Variants in RALGAPB observed in about 807,000 individuals in gnomAD.
RALGAPB encodes the protein ral GTPase-activating protein subunit beta.
In RALGAPB, 25 loss-of-function variants were observed where a neutral mutation model predicts 161.1. The ratio of observed to expected loss-of-function variants is 0.16; its 90% CI spans 0.11 to 0.22. The LOEUF (loss-of-function observed/expected upper bound fraction) is 0.22, where lower values mean the gene tolerates loss of function less well. Ranked by LOEUF, RALGAPB falls within the 10% of genes least tolerant of loss-of-function variation. The probability of loss-of-function intolerance (pLI) is 1.00; values close to 1 mark genes in which losing one functional copy is unlikely to be tolerated. For synonymous variants in RALGAPB, 629 were observed against 626.1 expected (o/e 1.00, Z -0.07); for missense variants, 1,391 against 1,815.2 (o/e 0.77, Z 4.25).
chr20:38,486,267 C>T (rs1489210936), intron 1 of RALGAPB, among the ~76,000 whole-genome samples: 1 of 152,260 alleles, frequency 6.6e-6, no homozygotes, highest in African/African-American at 2.4e-5. Context: ...GTCACCACGC[C>T]TGGCCTATAT....
At chr20:38,497,262 C>G in intron 3 of RALGAPB, 91 bp from the exon 4 acceptor site, 2 of 1,197,200 alleles carry the variant, frequency 1.7e-6, no homozygotes. Context: ...CTTCATTGGA[C>G]CACTGCTTGC....
rs570095035 is a variant in RALGAPB at position 38,532,812 on chromosome 20, C to T, written c.2198C>T (p.Thr733Met). 4.1e-5 allele frequency: 66 copies of T among 1,613,912 alleles called. 1 individual carries two copies. In the East Asian group the frequency reaches 1.4e-3, roughly 33 times the overall value. Residue 733 changes from threonine (T) to methionine (M), a missense_variant, in exon 15 of 30, where the codon ACG (threonine) becomes ATG (methionine). Coordinates refer to ENST00000262879, the MANE Select transcript of RALGAPB (RefSeq NM_020336.4). ...GCAAGTGGTGGAAGCACGGAGCCCA[C>T]GACTCCCGATAGTGAGAGACCTGCT... ...SSASGGSTEPTTPDSERPAQA... is the reference protein window; with the variant it reads ...SSASGGSTEPMTPDSERPAQA...
chr20:38,495,210 A>T (rs2085390540), intron 3 of RALGAPB, among the ~76,000 whole-genome samples: 1 of 152,212 alleles, frequency 6.6e-6, no homozygotes, highest in Admixed American at 6.5e-5. Flanking sequence ...ATAAAAACTG[A>T]CATTCAAAAT....
intron 1 of RALGAPB, among the ~76,000 whole-genome samples, chr20:38,475,844 T>C (rs1057018665): frequency 6.6e-6 from 1 of 152,190 alleles, no homozygotes; most frequent in Non-Finnish European, 1.5e-5. Flanking sequence ...GTCGAACTGC[T>C]GACCTTAAGT....
rs893380500 is a variant in RALGAPB, at chr20:38,472,882, G to T, written c.-218G>T. On this transcript the variant is annotated 5_prime_UTR_variant, in exon 1 of 30. Transcript: ENST00000262879. ...TGAGCAGATCCCAGCCGGCTGGCTCGAGTGGCCTTCGTCGTCCCTTGGCGC... is the reference window on the plus strand; with the variant it reads ...TGAGCAGATCCCAGCCGGCTGGCTCTAGTGGCCTTCGTCGTCCCTTGGCGC... The T allele has an allele frequency of 1.3e-5, 5 of 398,982 alleles. No homozygotes were observed. The highest frequency in any genetic ancestry group is 2.2e-5 in the Non-Finnish European group (5 of 226,006). 24.7% of individuals were successfully genotyped at this position (398,982 alleles called of 1,614,324 possible).
rs900023134 is a variant in RALGAPB, at chr20:38,488,485, A to G, written c.53A>G (p.His18Arg). Residue 18 changes from histidine to arginine, a missense_variant, in exon 2 of 30, where the codon CAT becomes CGT. Physicochemically the swap from His to Arg is conservative, Grantham distance 29. Coordinates refer to ENST00000262879, the MANE Select transcript of RALGAPB (RefSeq NM_020336.4). Reference sequence around the variant, plus strand: ...TTGGTGATTCAGAATGATCAAGGCCATACCAGTGTGCTGCACAGCTATCCA... The same window carrying G: ...TTGGTGATTCAGAATGATCAAGGCCGTACCAGTGTGCTGCACAGCTATCCA... The part of the protein sequence containing the change: ...LHLVIQNDQG[H>R]TSVLHSYPES... 5 of 1,614,112 alleles carry G rather than the reference A, an allele frequency of 3.1e-6. No homozygotes were observed. The highest frequency in any genetic ancestry group is 4.2e-6 in the Non-Finnish European group (5 of 1,180,046).
intron 1 of RALGAPB, among the ~76,000 whole-genome samples, chr20:38,486,093 C>T (rs781731778): frequency 1.3e-5 from 2 of 151,658 alleles, no homozygotes; most frequent in Non-Finnish European, 2.9e-5. Flanking sequence ...CCTCAGCCTC[C>T]CAGGTAGCTG....
Position 38,492,955 on chromosome 20 carries a change from G to T in RALGAPB, c.212G>T (p.Cys71Phe). The change falls in exon 3 of 30, where the codon TGC becomes TTC. Residue 71 changes from cysteine (C) to phenylalanine (F), a missense_variant. Cys to Phe is a radical substitution (Grantham distance 205, BLOSUM62 -2). This residue lies in a region of RALGAPB where 946 missense variants were observed against 1,257.2 expected (regional missense o/e 0.75). Coordinates refer to ENST00000262879, the MANE Select transcript of RALGAPB (RefSeq NM_020336.4). ...KEVKWTMEVI[C>F]YGLTLPLDGE... ...GTAAAATGGACCATGGAAGTAATTTGCTATGGACTGACCCTTCCATTGGAT... is the reference window on the plus strand; with the variant it reads ...GTAAAATGGACCATGGAAGTAATTTTCTATGGACTGACCCTTCCATTGGAT... 1.2e-6 allele frequency: 2 copies of T among 1,611,008 alleles called. No individual in the cohort carries two copies. The highest frequency in any genetic ancestry group is 1.1e-5 in the South Asian group (1 of 91,008).
Position 38,532,973 on chromosome 20 carries a change from T to A in RALGAPB, c.2245+114T>A, listed in dbSNP as rs1340117688. 2.5e-6 allele frequency: 3 copies of A among 1,185,854 alleles called. No homozygotes were observed. In the African/African-American group the frequency reaches 4.6e-5, roughly 18 times the overall value. The allele number at this position is 1,185,854 out of a possible 1,614,324, so 73.5% of individuals were successfully genotyped here. ...TTCATGTTTTTTATATACTTAAGTA[T>A]AATAGAGAGGATGTCAGTCTTAAGA... On this transcript the variant is annotated intron_variant, in intron 15 of 29. Coordinates refer to ENST00000262879, the MANE Select transcript of RALGAPB (RefSeq NM_020336.4).
At chr20:38,530,444 C>T (rs1248409412) in intron 13 of RALGAPB, among the ~76,000 whole-genome samples, 2 of 151,720 alleles carry the variant, frequency 1.3e-5, no homozygotes, top group Non-Finnish European at 2.9e-5. Flanking sequence ...TTTTTAGAGA[C>T]AGGGTCTTGC....
At chr20:38,529,698 C>A (rs779371608) in intron 13 of RALGAPB, among the ~76,000 whole-genome samples, 1 of 151,108 alleles carries the variant, frequency 6.6e-6, no homozygotes, top group African/African-American at 2.4e-5. Context: ...AAAAAATTAG[C>A]CAGGCGTGGT....
rs534915859 is a variant in RALGAPB, at chr20:38,483,044, G to A, written c.-30-5359G>A. Among the ~76,000 whole-genome samples, 44 of 152,240 alleles carry A rather than the reference G, an allele frequency of 2.9e-4. 1 individual carries two copies. The highest frequency in any genetic ancestry group is 3.4e-3 in the Middle Eastern group (1 of 294). Reference sequence around the variant, plus strand: ...TGGGACTACAGGTGTGTGCCACCACGCCTGGCTAACTTTTTTGTGTTTTTT... The same window carrying A: ...TGGGACTACAGGTGTGTGCCACCACACCTGGCTAACTTTTTTGTGTTTTTT... On this transcript the variant is annotated intron_variant, in intron 1 of 29. Coordinates refer to ENST00000262879, the MANE Select transcript of RALGAPB (RefSeq NM_020336.4).
chr20:38,573,393 T>G (rs1416782929), intron 28 of RALGAPB, among the ~76,000 whole-genome samples: 1 of 152,058 alleles, frequency 6.6e-6, no homozygotes, highest in East Asian at 1.9e-4. Context: ...GAAAGAAAAT[T>G]CATTGGGTTG....
At chr20:38,535,895 T>G (rs2086791329) in intron 16 of RALGAPB, among the ~76,000 whole-genome samples, 1 of 152,186 alleles carries the variant, frequency 6.6e-6, no homozygotes, top group Non-Finnish European at 1.5e-5. Context: ...TTGGCTACAC[T>G]TTTTAGATTT....
At chr20:38,514,387 T>A (rs2086065316) in intron 6 of RALGAPB, among the ~76,000 whole-genome samples, 1 of 152,224 alleles carries the variant, frequency 6.6e-6, no homozygotes, top group African/African-American at 2.4e-5. Flanking sequence ...TCAGTGTTTG[T>A]CCTTTCAGTT....
In RALGAPB at chr20:38,499,584, C is replaced by T; in HGVS notation, c.691C>T (p.Pro231Ser). ...GATGGTGGCTAACTGGAGGCATCAC[C>T]CAGCAGTGGTGGAGCAGTGGAGCAA... ...KEMVANWRHH[P>S]AVVEQWSKVI... is the part of the protein sequence containing the mutation. The change falls in exon 5 of 30, where the codon CCA (proline) becomes TCA (serine). Residue 231 changes from proline (P) to serine (S), a missense_variant. Transcript: ENST00000262879. 3 of 1,613,848 alleles carry T rather than the reference C, an allele frequency of 1.9e-6. No individual in the cohort carries two copies. The highest frequency in any genetic ancestry group is 2.5e-6 in the Non-Finnish European group (3 of 1,179,908).
chr20:38,542,454 G>A (rs1444856897), intron 18 of RALGAPB, among the ~76,000 whole-genome samples: 3 of 151,960 alleles, frequency 2.0e-5, no homozygotes, highest in South Asian at 2.1e-4. Flanking sequence ...CTGGACTTTC[G>A]GTGACTTGAT....
chr20:38,483,509 G>GTTT (rs2122837685), intron 1 of RALGAPB, among the ~76,000 whole-genome samples: 1 of 152,232 alleles, frequency 6.6e-6, no homozygotes, highest in South Asian at 2.1e-4. Context: ...TTTAAAAATT[G>GTTT]AGCTGTTTTA....
chr20:38,529,006 C>G (rs1220211544), intron 13 of RALGAPB, among the ~76,000 whole-genome samples: 7 of 152,106 alleles, frequency 4.6e-5, no homozygotes, highest in Non-Finnish European at 7.4e-5. Context: ...TTTAAAGAGT[C>G]TCTTCTGACC....
Sources: gnomAD v4.1 joint callset for allele counts (sites outside exome capture counted in the v4.1 genomes callset) on GRCh38, gnomAD v4.1.1 for gene constraint, gnomAD v4.1.1 regional missense constraint, MANE v1.5 for transcripts, NCBI Gene and HGNC (gene_info 2026-07-23, HGNC 2026-07-21) for gene names.